The following TSPAN9 variants were observed in gnomAD, a reference collection of about 807,000 sequenced individuals.
The protein encoded by TSPAN9 is tetraspanin-9.
A neutral mutation model predicts 31.0 loss-of-function variants in TSPAN9; 16 were observed. The ratio of observed to expected loss-of-function variants is 0.52; its 90% CI spans 0.35 to 0.78. The LOEUF is 0.78. Among genes scored for constraint, TSPAN9 ranks in the 30% least tolerant of loss-of-function variants. The pLI, the probability that TSPAN9 is intolerant of heterozygous loss-of-function variation, is 0.01. For missense variants in TSPAN9, 272 were observed against 312.5 expected, an observed-to-expected ratio of 0.87 and a Z score of 0.98; for synonymous variants, 145 against 121.6, an observed-to-expected ratio of 1.19 and a Z score of -1.27.
At chr12:3,155,211 G>T (rs1368087638) in intron 2 of TSPAN9, among the ~76,000 whole-genome samples, 2 of 152,178 alleles carry the variant, frequency 1.3e-5, no homozygotes, top group African/African-American at 4.8e-5. Flanking sequence ...TAAAGGTAGG[G>T]TGTTATGCTG....
At chr12:3,127,559 G>A (rs531396832) in intron 2 of TSPAN9, among the ~76,000 whole-genome samples, 17 of 152,114 alleles carry the variant, frequency 1.1e-4, no homozygotes, top group Admixed American at 1.0e-3. Context: ...GTTTCACCGT[G>A]TTAGCCAGGG....
intron 2 of TSPAN9, among the ~76,000 whole-genome samples, chr12:3,098,014 C>T (rs765679259): frequency 1.3e-5 from 2 of 152,238 alleles, no homozygotes; most frequent in East Asian, 1.9e-4. Flanking sequence ...TGTGGAGACA[C>T]GCATGTGTAG....
intron 3 of TSPAN9, among the ~76,000 whole-genome samples, chr12:3,241,793 G>A (rs1023713867): frequency 2.0e-5 from 3 of 152,162 alleles, no homozygotes; most frequent in Non-Finnish European, 4.4e-5. Context: ...CCTGGGCTCC[G>A]GTGTGTGTCA....
chr12:3,194,803 T>C (rs1030728200), intron 2 of TSPAN9, among the ~76,000 whole-genome samples: 15 of 152,238 alleles, frequency 9.9e-5, no homozygotes, highest in African/African-American at 3.4e-4. Context: ...CCGTCCTTCC[T>C]GAATCACGGC....
rs115496996 is a variant in TSPAN9, at chr12:3,159,392, A to G, written c.-17-41785A>G. On this transcript the variant is annotated intron_variant, in intron 2 of 8. Transcript: ENST00000011898. ...TTTTAAAGAACAGTTTTCCTGAGAT[A>G]TAATTTGTACACCATCACACTCTCC... 8.7e-3 allele frequency among the ~76,000 whole-genome samples: 1,319 copies of G among 152,256 alleles called. 25 individuals carry two copies. Among genetic ancestry groups the G allele is most frequent in the African/African-American group, 0.03 (1,257 of 41,530 alleles).
intron 2 of TSPAN9, among the ~76,000 whole-genome samples, chr12:3,097,749 G>A (rs2153964100): frequency 1.3e-5 from 2 of 152,328 alleles, no homozygotes; most frequent in South Asian, 4.1e-4. Flanking sequence ...CATTGGCTGG[G>A]GTGGTGCATC....
intron 3 of TSPAN9, among the ~76,000 whole-genome samples, chr12:3,236,093 G>A (rs962145835): frequency 1.2e-4 from 19 of 152,180 alleles, no homozygotes; most frequent in Non-Finnish European, 2.5e-4. Context: ...TTCCTTTAGC[G>A]TCCTCTGCAA....
At chr12:3,276,185 A>G (rs1008745728) in intron 3 of TSPAN9, among the ~76,000 whole-genome samples, 1 of 152,104 alleles carries the variant, frequency 6.6e-6, no homozygotes, top group Non-Finnish European at 1.5e-5. Flanking sequence ...CACAAACCCA[A>G]GCCTAATCAC....
chr12:3,085,369 G>A (rs2153962136), intron 2 of TSPAN9, among the ~76,000 whole-genome samples: 1 of 151,688 alleles, frequency 6.6e-6, no homozygotes, highest in Non-Finnish European at 1.5e-5. Context: ...GCCTTGGGGA[G>A]ACACAGATAG....
chr12:3,266,812 C>G (rs1020781244), intron 3 of TSPAN9, among the ~76,000 whole-genome samples: 6 of 152,186 alleles, frequency 3.9e-5, no homozygotes, highest in African/African-American at 1.4e-4. Context: ...TATAAATAAT[C>G]AGGCTGTGGG....
chr12:3,122,274 C>A (rs2098325463), intron 2 of TSPAN9, among the ~76,000 whole-genome samples: 1 of 134,104 alleles, frequency 7.5e-6, no homozygotes, highest in Non-Finnish European at 1.6e-5. Context: ...GTGGAGCTTG[C>A]AGTGAGCCTG....
intron 3 of TSPAN9, among the ~76,000 whole-genome samples, chr12:3,221,512 C>A (rs1185954483): frequency 6.6e-6 from 1 of 152,068 alleles, no homozygotes; most frequent in Non-Finnish European, 1.5e-5. Context: ...GTGCATGCCA[C>A]CAAGCCCGTC....
At chr12:3,088,620 C>CA in intron 2 of TSPAN9, among the ~76,000 whole-genome samples, 1 of 152,310 alleles carries the variant, frequency 6.6e-6, no homozygotes, top group East Asian at 1.9e-4. Flanking sequence ...TTCGTGCCCG[C>CA]AGTGCAGGGA....
At chr12:3,224,719 G>A (rs761004674) in intron 3 of TSPAN9, among the ~76,000 whole-genome samples, 2 of 152,244 alleles carry the variant, frequency 1.3e-5, no homozygotes, top group African/African-American at 2.4e-5. Context: ...CAGGGTGGCC[G>A]CGTGATGGGC....
Position 3,280,601 on chromosome 12 carries a change from A to G in TSPAN9, c.432+118A>G, listed in dbSNP as rs892254076. 2.2e-5 allele frequency: 20 copies of G among 928,884 alleles called. No individual in the cohort carries two copies. The highest frequency in any genetic ancestry group is 2.5e-5 in the Non-Finnish European group (15 of 608,400). The allele number at this position is 928,884 out of a possible 1,614,324, so 57.5% of individuals were successfully genotyped here. A position where few individuals can be genotyped will look rare whatever the true frequency, so the allele number is the denominator to read the frequency against. On this transcript the variant is annotated intron_variant, in intron 6 of 8. Coordinates refer to ENST00000011898, the MANE Select transcript of TSPAN9 (RefSeq NM_006675.5). The surrounding 1 kb of genome is among the most constrained non-coding windows in gnomAD (Gnocchi z 4.5). ...CTGTGCTTTCTGGATTTTAGCCGGG[A>G]GTGGAGTGGTACCCACGGGGGCATT...
chr12:3,111,691 G>T (rs1272138455), intron 2 of TSPAN9, among the ~76,000 whole-genome samples: 1 of 147,572 alleles, frequency 6.8e-6, no homozygotes, highest in Non-Finnish European at 1.5e-5. Flanking sequence ...TTGGCTTACT[G>T]CAGCCTCCGC....
At chr12:3,095,419 G>C (rs1415321434) in intron 2 of TSPAN9, among the ~76,000 whole-genome samples, 2 of 149,720 alleles carry the variant, frequency 1.3e-5, no homozygotes, top group African/African-American at 4.9e-5. Context: ...GCCGGGCAGA[G>C]GGGCTCCTCA....
At chr12:3,237,091 C>A (rs917615356) in intron 3 of TSPAN9, among the ~76,000 whole-genome samples, 1 of 152,030 alleles carries the variant, frequency 6.6e-6, no homozygotes, top group South Asian at 2.1e-4. Context: ...GTAGGTGGGG[C>A]GGCAGCTGAA....
chr12:3,088,703 A>G (rs2098302066), intron 2 of TSPAN9, among the ~76,000 whole-genome samples: 1 of 151,958 alleles, frequency 6.6e-6, no homozygotes, highest in Non-Finnish European at 1.5e-5. Context: ...AGAAACTCAG[A>G]GGGGATCAGG....
Sources: gnomAD v4.1 joint callset for allele counts (sites outside exome capture counted in the v4.1 genomes callset) on GRCh38, gnomAD v4.1.1 for gene constraint, Gnocchi (gnomAD v3.1) non-coding constraint, MANE v1.5 for transcripts, NCBI Gene and HGNC (gene_info 2026-07-23, HGNC 2026-07-21) for gene names.